SF3A1: variants seen among roughly 807,000 people sequenced by gnomAD.
SF3A1 encodes splicing factor 3a subunit 1.
A neutral mutation model predicts 89.9 loss-of-function variants in SF3A1; 13 were observed. That is an observed-to-expected ratio of 0.14 (90% CI 0.09 to 0.23). The LOEUF is 0.23. SF3A1 is among the 10% of genes least tolerant of loss of function. The pLI is 1.00. For synonymous variants in SF3A1, 405 were observed against 374.4 expected, an observed-to-expected ratio of 1.08 and a Z score of -0.94; for missense variants, 604 against 1,022.1, an observed-to-expected ratio of 0.59 and a Z score of 5.58.
intron 6 of SF3A1, 147 bp downstream of exon 6, chr22:30,342,053 G>A: frequency 3.4e-6 from 4 of 1,181,122 alleles, no homozygotes; most frequent in Non-Finnish European, 4.9e-6. Context: ...CAAAGTGGTA[G>A]AACTGAAGTC....
intron 1 of SF3A1, among the ~76,000 whole-genome samples, chr22:30,355,107 T>C (rs374317976): frequency 6.6e-6 from 1 of 152,072 alleles, no homozygotes; most frequent in African/African-American, 2.4e-5. Context: ...TCATTGCAAC[T>C]TCTGCTTCCC....
chr22:30,340,136 TAGA>T (rs1253699859), intron 9 of SF3A1, 57 bp downstream of exon 9: 19 of 1,372,574 alleles, frequency 1.4e-5, no homozygotes, highest in Middle Eastern at 2.6e-4. Context: ...TATGTTTGCT[TAGA>T]AGAAGATGGC....
rs763646092 is a variant in SF3A1 at position 30,342,286 on chromosome 22, T to C, written c.791A>G (p.Lys264Arg). Residue 264 changes from lysine (K) to arginine (R), a missense_variant, in exon 6 of 16, where the codon AAG (lysine) becomes AGG (arginine). By Grantham distance (26) the Lys-to-Arg change is conservative. Coordinates refer to ENST00000215793, the MANE Select transcript of SF3A1 (RefSeq NM_005877.6). ...AGCATAGGCCACCCGCTCCTTCTCCTTCTCCTCTTCTTCCTTCTTCCTCTC... is the reference window on the plus strand; with the variant it reads ...AGCATAGGCCACCCGCTCCTTCTCCCTCTCCTCTTCTTCCTTCTTCCTCTC... ...ERERKKEEEE[K>R]EKERVAYAQI... 2 of 1,614,184 alleles carry C rather than the reference T, an allele frequency of 1.2e-6. No homozygotes were observed. The highest frequency in any genetic ancestry group is 4.5e-5 in the East Asian group (2 of 44,880).
chr22:30,348,236 C>T (rs893549060), intron 2 of SF3A1, among the ~76,000 whole-genome samples: 1 of 152,186 alleles, frequency 6.6e-6, no homozygotes, highest in Non-Finnish European at 1.5e-5. Flanking sequence ...GCTCCTCTGG[C>T]GAGAACCTTG....
chr22:30,335,530 G>A lies in SF3A1; in HGVS notation c.2217C>T (p.Val739=). The part of the protein sequence containing the change: ...FTLPLTDQVS[V]IKVKIHEATG... The stretch of plus-strand genomic sequence containing the variant: ...TGGCTTCATGAATCTTCACCTTAAT[G>A]ACAGAGACCTGTGGGATCAAGCAGC... Residue 739 remains valine (V), a synonymous_variant, in exon 15 of 16, where the codon GTC becomes GTT. Transcript: ENST00000215793. 2 of 1,614,150 alleles carry A rather than the reference G, an allele frequency of 1.2e-6. No homozygotes were observed. Among genetic ancestry groups the A allele is most frequent in the Non-Finnish European group, 1.7e-6 (2 of 1,180,008 alleles).
At chr22:30,340,469 A>G (rs1931216312) in intron 8 of SF3A1, 88 bp from the exon 9 acceptor site, 1 of 1,338,116 alleles carries the variant, frequency 7.5e-7, no homozygotes, top group Non-Finnish European at 1.1e-6. Context: ...ATCATTCATC[A>G]AGGCATCTAT....
chr22:30,343,769 C>CCCTTGGG (rs1269877267), intron 4 of SF3A1, among the ~76,000 whole-genome samples: 1 of 152,188 alleles, frequency 6.6e-6, no homozygotes, highest in South Asian at 2.1e-4. Context: ...TTTATAGAAA[C>CCCTTGGG]CCTTGGGCCT....
rs1486525106 is a variant in SF3A1 at position 30,335,689 on chromosome 22, CCATT to C, written c.2167_2170del (p.Asn723GlyfsTer19). 6.2e-7 allele frequency: 1 copy of C among 1,614,104 alleles called. No homozygotes were observed. Among genetic ancestry groups the C allele is most frequent in the Non-Finnish European group, 8.5e-7 (1 of 1,180,048 alleles). On this transcript the variant is annotated frameshift_variant, in exon 14 of 16. Transcript: ENST00000215793. LOFTEE classifies it high-confidence loss of function. ...TGGGAGGGTGAAGACCAGCACCTGCCCATTCAGTTTCCATTCCGTCTTATCCTGC... is the reference window on the plus strand; with the variant it reads ...TGGGAGGGTGAAGACCAGCACCTGCCCAGTTTCCATTCCGTCTTATCCTGC...
At chr22:30,344,043 T>C (rs1931344967) in intron 4 of SF3A1, among the ~76,000 whole-genome samples, 2 of 152,386 alleles carry the variant, frequency 1.3e-5, no homozygotes, top group African/African-American at 4.8e-5. Context: ...AAGCTGTCAG[T>C]GCACTTTGCA....
At chr22:30,346,567 G>C (rs1230529554) in intron 2 of SF3A1, 48 bp from the exon 3 acceptor site, 1 of 1,601,288 alleles carries the variant, frequency 6.2e-7, no homozygotes, top group African/African-American at 1.3e-5. Context: ...CCTTGTGCCT[G>C]CTGTGATCTA....
In SF3A1 at chr22:30,333,245, G is replaced by A. The variant is rs1422684142; in HGVS notation, c.*1349C>T. ...CATAAAACTGGTACTGACTCTGGGT[G>A]AGAGGGAGAGGCAGGGTGGTGACTA... is the stretch of plus-strand genomic sequence containing the variant. On this transcript the variant is annotated 3_prime_UTR_variant, in exon 16 of 16. Coordinates refer to ENST00000215793, the MANE Select transcript of SF3A1 (RefSeq NM_005877.6). 6.6e-6 allele frequency: 1 copy of A among 152,294 alleles called. No individual in the cohort carries two copies. Among genetic ancestry groups the A allele is most frequent in the African/African-American group, 2.4e-5 (1 of 41,466 alleles). The allele number at this position is 152,294 out of a possible 1,614,324, so 9.4% of individuals were successfully genotyped here.
At chr22:30,352,825 T>C in intron 2 of SF3A1, 126 bp downstream of exon 2, 9 of 1,136,240 alleles carry the variant, frequency 7.9e-6, no homozygotes, top group Middle Eastern at 3.1e-4. Flanking sequence ...CAGTGCCATG[T>C]TGTGGTTTTT....
Position 30,335,619 on chromosome 22 carries a change from G to A in SF3A1, c.2208+33C>T, listed in dbSNP as rs1260883831. The A allele has an allele frequency of 5.0e-6, 8 of 1,611,966 alleles. No individual in the cohort carries two copies. In the South Asian group the frequency reaches 6.6e-5, roughly 13 times the overall value. On this transcript the variant is annotated intron_variant, in intron 14 of 15. Transcript: ENST00000215793. ...TTTCCCCTGAATGCTTGGTTCCCAT[G>A]CACCTGATGCCAGTTTCTGGCAGTA...
At chr22:30,336,152 T>C (rs1241813970) in intron 13 of SF3A1, among the ~76,000 whole-genome samples, 3 of 152,174 alleles carry the variant, frequency 2.0e-5, no homozygotes, top group Non-Finnish European at 2.9e-5. Context: ...GTTTTGAGTA[T>C]TGAGGGGAAG....
Position 30,346,353 on chromosome 22 carries a change from G to A in SF3A1, c.352C>T (p.Gln118Ter). 6.2e-7 allele frequency: 1 copy of A among 1,613,910 alleles called. No homozygotes were observed. The highest frequency in any genetic ancestry group is 8.5e-7 in the Non-Finnish European group (1 of 1,179,856). Residue 118 changes from glutamine to a stop codon, truncating the protein, a stop_gained, in exon 3 of 16, where the codon CAG (glutamine) becomes TAG (stop). Coordinates refer to ENST00000215793, the MANE Select transcript of SF3A1 (RefSeq NM_005877.6). LOFTEE classifies it high-confidence loss of function. Reference protein sequence around the residue: ...EPSAAIPKVMQQQQQTTQQQL... With the variant: ...EPSAAIPKVM The stretch of plus-strand genomic sequence containing the variant: ...TGCTGGGTGGTCTGCTGCTGCTGCT[G>A]CATGACCTTGGGGATGGCGGCGGAC...
chr22:30,353,671 A>C (rs1209360513), intron 1 of SF3A1, among the ~76,000 whole-genome samples: 1 of 152,138 alleles, frequency 6.6e-6, no homozygotes, highest in Non-Finnish European at 1.5e-5. Flanking sequence ...TCTTTCACAT[A>C]GACCTTTAGA....
intron 2 of SF3A1, among the ~76,000 whole-genome samples, chr22:30,349,995 G>A (rs939909382): frequency 6.6e-6 from 1 of 152,066 alleles, no homozygotes; most frequent in Non-Finnish European, 1.5e-5. Context: ...TAGCAGCAGA[G>A]GATGGCACAA....
chr22:30,350,507 T>A (rs1931560762), intron 2 of SF3A1, among the ~76,000 whole-genome samples: 1 of 151,888 alleles, frequency 6.6e-6, no homozygotes, highest in African/African-American at 2.4e-5. Flanking sequence ...GGAAACCTCC[T>A]CCTCTAAGGA....
rs763862103 is a variant in SF3A1, at chr22:30,334,557, G to A, written c.*37C>T. On this transcript the variant is annotated 3_prime_UTR_variant, in exon 16 of 16. Transcript: ENST00000215793. ...GGGCAGGGGGTGGGAGACAGGAGAG[G>A]CAAAATGGCAGGGACTTGACAGCAG... The A allele has an allele frequency of 7.1e-7, 1 of 1,405,718 alleles. No individual in the cohort carries two copies. Among genetic ancestry groups the A allele is most frequent in the Admixed American group, 2.4e-5 (1 of 41,890 alleles). 87.1% of individuals were successfully genotyped at this position (1,405,718 alleles called of 1,614,324 possible). A position where few individuals can be genotyped will look rare whatever the true frequency, so the allele number is the denominator to read the frequency against.
Sources: allele counts gnomAD v4.1 joint callset (sites outside exome capture counted in the v4.1 genomes callset), GRCh38; gene constraint gnomAD v4.1.1; transcripts MANE v1.5; gene names NCBI Gene and HGNC (gene_info 2026-07-23, HGNC 2026-07-21).